The following MS4A4E variants were observed in gnomAD, a reference collection of about 807,000 sequenced individuals.
MS4A4E encodes putative membrane-spanning 4-domains subfamily A member 4E.
MS4A4E carries 23 observed loss-of-function variants against 13.3 expected under a neutral mutation model. The ratio of observed to expected loss-of-function variants is 1.73; its 90% CI spans 1.25 to 2.45. The LOEUF (loss-of-function observed/expected upper bound fraction) is 2.45. MS4A4E is among the 30% of genes most tolerant of loss of function. The pLI is 0.00. For synonymous variants in MS4A4E, 36 were observed against 45.6 expected (o/e 0.79, Z 0.85); for missense variants, 144 against 131.2 (o/e 1.10, Z -0.48).
At chr11:60,242,527 T>C (rs2084564058) in intron 1 of MS4A4E, among the ~76,000 whole-genome samples, 1 of 152,212 alleles carries the variant, frequency 6.6e-6, no homozygotes, top group East Asian at 1.9e-4. Context: ...CTGCACGTGC[T>C]AGATCTTTTC....
chr11:60,208,000 A>G (rs1371846218), intron 6 of MS4A4E, among the ~76,000 whole-genome samples: 1 of 152,154 alleles, frequency 6.6e-6, no homozygotes, highest in Non-Finnish European at 1.5e-5. Context: ...TTCATTGTGA[A>G]ATATTTTCTT....
At chr11:60,224,194 C>T (rs1232913286) in intron 3 of MS4A4E, among the ~76,000 whole-genome samples, 1 of 152,146 alleles carries the variant, frequency 6.6e-6, no homozygotes, top group Non-Finnish European at 1.5e-5. Flanking sequence ...TCAAAACTCT[C>T]TTGTGTTTTC....
At chr11:60,217,392 G>A (rs964904076) in intron 3 of MS4A4E, among the ~76,000 whole-genome samples, 1 of 151,992 alleles carries the variant, frequency 6.6e-6, no homozygotes, top group African/African-American at 2.4e-5. Context: ...GGGACACTGA[G>A]CTTGTAAACT....
At chr11:60,209,067 G>C (rs1211379048) in intron 5 of MS4A4E, 2 of 152,718 alleles carry the variant, frequency 1.3e-5, no homozygotes, top group Non-Finnish European at 2.9e-5. Flanking sequence ...ATTGTAAGCA[G>C]AGTAATGGTC....
At chr11:60,224,590 C>T (rs1260090480) in intron 3 of MS4A4E, among the ~76,000 whole-genome samples, 1 of 152,122 alleles carries the variant, frequency 6.6e-6, no homozygotes, top group East Asian at 1.9e-4. Context: ...TACCATCTCC[C>T]CTCTGGTATA....
At chr11:60,221,432 T>G (rs540854437) in intron 3 of MS4A4E, among the ~76,000 whole-genome samples, 1 of 149,294 alleles carries the variant, frequency 6.7e-6, no homozygotes, top group African/African-American at 2.5e-5. Flanking sequence ...GATGGTCTCA[T>G]GGGGAGTTCC....
At chr11:60,233,411 C>G (rs2084438131) in intron 1 of MS4A4E, among the ~76,000 whole-genome samples, 1 of 152,350 alleles carries the variant, frequency 6.6e-6, no homozygotes, top group South Asian at 2.1e-4. Flanking sequence ...AGTCTCAATT[C>G]CATCCCTGCT....
chr11:60,243,052 C>A lies in MS4A4E; in HGVS notation c.-111G>T. On this transcript the variant is annotated 5_prime_UTR_variant, in exon 1 of 9. Coordinates refer to ENST00000651255, the MANE Select transcript of MS4A4E (RefSeq NM_001393391.1). ...TCTTTGTTCCAGACACAGTCAGCTT[C>A]CCCCACTCCACACCTCACTCAGTTT... 1 of 1,167,322 alleles carries A rather than the reference C, an allele frequency of 8.6e-7. No individual in the cohort carries two copies. Among genetic ancestry groups the A allele is most frequent in the Non-Finnish European group, 1.2e-6 (1 of 813,588 alleles). The allele number at this position is 1,167,322 out of a possible 1,614,324, so 72.3% of individuals were successfully genotyped here.
chr11:60,238,248 C>A (rs1380059603), intron 1 of MS4A4E, among the ~76,000 whole-genome samples: 1 of 151,754 alleles, frequency 6.6e-6, no homozygotes, highest in Non-Finnish European at 1.5e-5. Flanking sequence ...GGTATTAATT[C>A]TTTTTAAAAT....
At chr11:60,222,969 A>G (rs535377997) in intron 3 of MS4A4E, among the ~76,000 whole-genome samples, 1 of 152,260 alleles carries the variant, frequency 6.6e-6, no homozygotes, top group East Asian at 1.9e-4. Context: ...TCAATGGGAA[A>G]CTACAACAAC....
intron 3 of MS4A4E, among the ~76,000 whole-genome samples, chr11:60,218,638 T>C (rs1590714449): frequency 6.6e-6 from 1 of 152,064 alleles, no homozygotes; most frequent in East Asian, 1.9e-4. Context: ...TCTCCTCAGG[T>C]GTTGCCAAGC....
chr11:60,228,724 G>T, intron 2 of MS4A4E, 97 bp from the exon 3 acceptor site: 1 of 627,022 alleles, frequency 1.6e-6, no homozygotes, highest in South Asian at 2.1e-5. Flanking sequence ...ATAAACTGTG[G>T]TACCTCTAGA....
rs1372598860 is a variant in MS4A4E at position 60,213,263 on chromosome 11, C to T, written c.223-131G>A. 3.9e-6 allele frequency: 6 copies of T among 1,534,264 alleles called. No individual in the cohort carries two copies. In the East Asian group the frequency reaches 1.2e-4, roughly 31 times the overall value. On this transcript the variant is annotated intron_variant, in intron 4 of 8. Coordinates refer to ENST00000651255, the MANE Select transcript of MS4A4E (RefSeq NM_001393391.1). ...CTAACTTGTCTCCTTATAGTGGTTT[C>T]AACTCTGATCTCTCGCCAAAACACA...
At chr11:60,206,259 C>T (rs1381657677) in intron 6 of MS4A4E, among the ~76,000 whole-genome samples, 3 of 151,772 alleles carry the variant, frequency 2.0e-5, no homozygotes, top group Admixed American at 2.0e-4. Flanking sequence ...TTAGCAATAC[C>T]TTTTTGCCCT....
chr11:60,221,105 A>G (rs189697359), intron 3 of MS4A4E, among the ~76,000 whole-genome samples: 37 of 152,306 alleles, frequency 2.4e-4, no homozygotes, highest in Non-Finnish European at 4.4e-4. Flanking sequence ...AGGCCCTGCC[A>G]TCTTCTGCAG....
At chr11:60,222,400 T>A (rs2084280884) in intron 3 of MS4A4E, among the ~76,000 whole-genome samples, 1 of 152,210 alleles carries the variant, frequency 6.6e-6, no homozygotes. Flanking sequence ...TTTCCCATCA[T>A]CCTGAAGCAG....
Position 60,200,820 on chromosome 11 carries a change from G to A in MS4A4E, c.*723C>T, listed in dbSNP as rs1322362302. ...GAGCTATTGGGTACACTTCCCAGATGGGGTGGTGGCCGGGCAGAGGGGCTC... is the reference window on the plus strand; with the variant it reads ...GAGCTATTGGGTACACTTCCCAGATAGGGTGGTGGCCGGGCAGAGGGGCTC... On this transcript the variant is annotated 3_prime_UTR_variant, in exon 9 of 9. Coordinates refer to ENST00000651255, the MANE Select transcript of MS4A4E (RefSeq NM_001393391.1). 1.7e-3 allele frequency among the ~76,000 whole-genome samples: 262 copies of A among 152,334 alleles called. 1 individual carries two copies. The highest frequency in any genetic ancestry group is 5.4e-3 in the African/African-American group (226 of 41,560).
At chr11:60,207,560 C>T (rs906956567) in intron 6 of MS4A4E, among the ~76,000 whole-genome samples, 2 of 152,106 alleles carry the variant, frequency 1.3e-5, no homozygotes, top group African/African-American at 4.8e-5. Flanking sequence ...CTAAAGAAGA[C>T]AGAGAGGCAC....
intron 7 of MS4A4E, among the ~76,000 whole-genome samples, 108 bp from the exon 8 acceptor site, chr11:60,205,066 A>G (rs1467206582): frequency 6.6e-6 from 1 of 152,206 alleles, no homozygotes; most frequent in East Asian, 1.9e-4. Context: ...GTAGGGCAGA[A>G]TGAGAAATCC....
Sources: allele counts gnomAD v4.1 joint callset (sites outside exome capture counted in the v4.1 genomes callset), GRCh38; gene constraint gnomAD v4.1.1; transcripts MANE v1.5; gene names NCBI Gene and HGNC (gene_info 2026-07-23, HGNC 2026-07-21).